The following SIPA1L1 variants were observed in gnomAD, a reference collection of about 807,000 sequenced individuals.
SIPA1L1 encodes the protein signal-induced proliferation-associated 1-like protein 1.
A neutral mutation model predicts 162.7 loss-of-function variants in SIPA1L1; 26 were observed. The observed-to-expected ratio is 0.16, with a 90% CI of 0.12 to 0.22. The LOEUF (loss-of-function observed/expected upper bound fraction) is 0.22. Among genes scored for constraint, SIPA1L1 ranks in the 10% least tolerant of loss-of-function variants. The pLI is 1.00. For missense variants in SIPA1L1, 1,874 were observed against 2,241.0 expected (o/e 0.84, Z 3.31); for synonymous variants, 829 against 837.4 (o/e 0.99, Z 0.17).
At chr14:71,324,793 T>G (rs572927039) in intron 2 of SIPA1L1, among the ~76,000 whole-genome samples, 5 of 152,360 alleles carry the variant, frequency 3.3e-5, no homozygotes, top group Non-Finnish European at 7.3e-5. Flanking sequence ...GTACCATCCT[T>G]GTTTCTGGAC....
At chr14:71,441,745 C>T (rs539769124) in intron 2 of SIPA1L1, among the ~76,000 whole-genome samples, 3 of 152,030 alleles carry the variant, frequency 2.0e-5, no homozygotes, top group African/African-American at 7.2e-5. Context: ...TTGATTAACA[C>T]TCCTTTCTCT....
chr14:71,416,299 G>A (rs1408445832), intron 2 of SIPA1L1: 2 of 152,058 alleles, frequency 1.3e-5, no homozygotes, highest in African/African-American at 2.4e-5. Context: ...ACAATATCAA[G>A]AACTGATGGA....
At chr14:71,409,848 A>G (rs1192491413) in intron 2 of SIPA1L1, among the ~76,000 whole-genome samples, 1 of 152,208 alleles carries the variant, frequency 6.6e-6, no homozygotes, top group African/African-American at 2.4e-5. Flanking sequence ...AAGTAAAACA[A>G]AACAAAACTT....
chr14:71,470,549 A>G (rs1026323803), intron 2 of SIPA1L1, among the ~76,000 whole-genome samples: 1 of 152,202 alleles, frequency 6.6e-6, no homozygotes, highest in African/African-American at 2.4e-5. Context: ...AGAGTTGTAT[A>G]TAACAAAGGG....
intron 4 of SIPA1L1, among the ~76,000 whole-genome samples, chr14:71,533,886 C>A (rs746658815): frequency 6.6e-6 from 1 of 151,766 alleles, no homozygotes; most frequent in Non-Finnish European, 1.5e-5. Context: ...TATTTTTTCC[C>A]TAATATAAAT....
At chr14:71,670,969 A>G (rs541189729) in intron 10 of SIPA1L1, 150 bp from the exon 11 acceptor site, 2 of 683,722 alleles carry the variant, frequency 2.9e-6, no homozygotes, top group East Asian at 5.1e-5. Flanking sequence ...ATATACTCGT[A>G]TTAAGCAGAA....
intron 2 of SIPA1L1, among the ~76,000 whole-genome samples, chr14:71,474,663 A>T (rs1392684260): frequency 6.6e-6 from 1 of 152,232 alleles, no homozygotes; most frequent in Non-Finnish European, 1.5e-5. Flanking sequence ...TCTGCTGTGC[A>T]CCACACTGCT....
chr14:71,364,735 C>T (rs868777880), intron 2 of SIPA1L1, among the ~76,000 whole-genome samples: 16 of 149,194 alleles, frequency 1.1e-4, no homozygotes, highest in Non-Finnish European at 2.4e-4. Flanking sequence ...CTGCATATTC[C>T]AGCAGAACAT....
chr14:71,353,991 A>G (rs2036972034), intron 2 of SIPA1L1, among the ~76,000 whole-genome samples: 1 of 152,102 alleles, frequency 6.6e-6, no homozygotes, highest in Admixed American at 6.6e-5. Flanking sequence ...CAATTTCAAA[A>G]TAAAGATCAA....
rs1398149196 is a variant in SIPA1L1, at chr14:71,724,740, TCTC to T, written c.4522_4524del (p.Pro1508del). The T allele has an allele frequency of 6.2e-7, 1 of 1,614,078 alleles. No individual in the cohort carries two copies. The highest frequency in any genetic ancestry group is 1.3e-5 in the African/African-American group (1 of 75,006). On this transcript the variant is annotated inframe_deletion, in exon 19 of 24. Coordinates refer to ENST00000381232, the MANE Select transcript of SIPA1L1 (RefSeq NM_001386936.1). ...TGCCTCAACCAGAGACCTCCGGGCA[TCTC>T]CTAAGCCAACCTCCAAGTCCACCAT... is the stretch of plus-strand genomic sequence containing the variant.
At chr14:71,528,393 G>A (rs1168356031) in intron 3 of SIPA1L1, among the ~76,000 whole-genome samples, 8 of 152,212 alleles carry the variant, frequency 5.3e-5, no homozygotes, top group Non-Finnish European at 1.0e-4. Context: ...AGTATCTCAC[G>A]TCTGTAATCC....
intron 10 of SIPA1L1, among the ~76,000 whole-genome samples, chr14:71,668,159 C>T (rs1218623412): frequency 6.6e-6 from 1 of 152,160 alleles, no homozygotes; most frequent in Admixed American, 6.5e-5. Context: ...TCTTTGATGC[C>T]AACCAATGTT....
chr14:71,353,356 A>G (rs1299884315), intron 2 of SIPA1L1, among the ~76,000 whole-genome samples: 4 of 152,146 alleles, frequency 2.6e-5, no homozygotes, highest in Admixed American at 1.3e-4. Flanking sequence ...CCTGGAGGAG[A>G]CATTTTAGAC....
chr14:71,520,925 T>A (rs1329875943), intron 3 of SIPA1L1, among the ~76,000 whole-genome samples: 6 of 152,130 alleles, frequency 3.9e-5, no homozygotes, highest in African/African-American at 1.4e-4. Flanking sequence ...GTTAATTTTT[T>A]AATTTTTTTG....
chr14:71,595,495 CT>C (rs2035927796), intron 5 of SIPA1L1, among the ~76,000 whole-genome samples: 1 of 152,208 alleles, frequency 6.6e-6, no homozygotes, highest in African/African-American at 2.4e-5. Context: ...AACACATCTG[CT>C]TCCACTTTCA....
rs1239640787 is a variant in SIPA1L1, at chr14:71,739,011, C to T, written c.5209-7C>T. 2 of 1,612,366 alleles carry T rather than the reference C, an allele frequency of 1.2e-6. No individual in the cohort carries two copies. Among genetic ancestry groups the T allele is most frequent in the African/African-American group, 1.3e-5 (1 of 74,998 alleles). ...TCTTAGCTTTTCTACTTCACTCTGC[C>T]TCCCAGGAAAAAGAAGACAAAGCTC... is the stretch of plus-strand genomic sequence containing the variant. On this transcript the variant is annotated splice_polypyrimidine_tract_variant and splice_region_variant and intron_variant, in intron 23 of 23. Transcript: ENST00000381232.
At chr14:71,685,005 A>G (rs1424630396) in intron 12 of SIPA1L1, among the ~76,000 whole-genome samples, 2 of 152,068 alleles carry the variant, frequency 1.3e-5, no homozygotes, top group East Asian at 3.9e-4. Flanking sequence ...GCTTGCTTCC[A>G]TTGAGACTTC....
intron 2 of SIPA1L1, among the ~76,000 whole-genome samples, chr14:71,459,089 T>A (rs978483117): frequency 6.6e-6 from 1 of 151,638 alleles, no homozygotes; most frequent in African/African-American, 2.4e-5. Flanking sequence ...AAAAAAAAAT[T>A]CTCAGCAATA....
At chr14:71,671,068 TTG>T in intron 10 of SIPA1L1, 49 bp from the exon 11 acceptor site, 1 of 1,387,890 alleles carries the variant, frequency 7.2e-7, no homozygotes, top group Non-Finnish European at 9.9e-7. Context: ...TATTCTGATG[TTG>T]TGAGACTGAG....
Sources: allele counts gnomAD v4.1 joint callset (sites outside exome capture counted in the v4.1 genomes callset), GRCh38; gene constraint gnomAD v4.1.1; transcripts MANE v1.5; gene names NCBI Gene and HGNC (gene_info 2026-07-23, HGNC 2026-07-21).